The following CHRM3 variants were observed in gnomAD, a reference collection of about 807,000 sequenced individuals.
CHRM3 encodes the protein cholinergic receptor muscarinic 3.
In CHRM3, 11 loss-of-function variants were observed where a neutral mutation model predicts 41.8. The observed-to-expected ratio is 0.26, with a 90% CI of 0.17 to 0.44. The LOEUF (loss-of-function observed/expected upper bound fraction) is 0.44, where lower values mean the gene tolerates loss of function less well. Among genes scored for constraint, CHRM3 ranks in the 20% least tolerant of loss-of-function variants. The pLI is 1.00. For missense variants in CHRM3, 571 were observed against 745.4 expected (o/e 0.77, Z 2.72); for synonymous variants, 297 against 301.4 (o/e 0.99, Z 0.15).
At chr1:239,599,499 T>C (rs1206183269) in intron 3 of CHRM3, among the ~76,000 whole-genome samples, 1 of 151,798 alleles carries the variant, frequency 6.6e-6, no homozygotes, top group African/African-American at 2.4e-5. Flanking sequence ...CTTCTATCCA[T>C]TTACTGATTA....
chr1:239,641,070 C>T lies in CHRM3; in HGVS notation c.-250+8784C>T, dbSNP rs1278377645. Among the ~76,000 whole-genome samples the T allele has an allele frequency of 5.3e-4, 81 of 152,214 alleles. No individual in the cohort carries two copies. In the South Asian group the frequency reaches 9.3e-3, roughly 18 times the overall value. ...GGTTGTTCAGTTTAATGTAGGTGAG[C>T]GGTTTTGCGTGAGTTTCTTAATCCT... On this transcript the variant is annotated intron_variant, in intron 4 of 6. Coordinates refer to ENST00000676153, the MANE Select transcript of CHRM3 (RefSeq NM_001375978.1).
intron 4 of CHRM3, among the ~76,000 whole-genome samples, chr1:239,653,814 G>A (rs2148979556): frequency 6.6e-6 from 1 of 152,260 alleles, no homozygotes; most frequent in South Asian, 2.1e-4. Flanking sequence ...TTGGCCCTGG[G>A]GGATAAACAG....
At chr1:239,453,722 T>G (rs1205016608) in intron 1 of CHRM3, among the ~76,000 whole-genome samples, 1 of 152,208 alleles carries the variant, frequency 6.6e-6, no homozygotes, top group Non-Finnish European at 1.5e-5. Context: ...AAAGTGTTAT[T>G]TTCATGAGCA....
At chr1:239,438,829 T>C (rs1411585001) in intron 1 of CHRM3, among the ~76,000 whole-genome samples, 1 of 152,230 alleles carries the variant, frequency 6.6e-6, no homozygotes, top group African/African-American at 2.4e-5. Flanking sequence ...TGCTGAAACC[T>C]ATTTTGTAAT....
intron 1 of CHRM3, among the ~76,000 whole-genome samples, chr1:239,475,291 A>G (rs1404731983): frequency 6.6e-6 from 1 of 152,096 alleles, no homozygotes; most frequent in Non-Finnish European, 1.5e-5. Context: ...TTCAAAATTA[A>G]TATTTATATT....
At chr1:239,895,579 C>T (rs1678928590) in intron 6 of CHRM3, among the ~76,000 whole-genome samples, 1 of 152,128 alleles carries the variant, frequency 6.6e-6, no homozygotes, top group African/African-American at 2.4e-5. Flanking sequence ...AAATGCCCCT[C>T]ATCAATAGAT....
intron 2 of CHRM3, among the ~76,000 whole-genome samples, chr1:239,523,079 C>G (rs1669763860): frequency 6.6e-6 from 1 of 151,770 alleles, no homozygotes; most frequent in South Asian, 2.1e-4. Context: ...TCCCACCTGT[C>G]TAATCCACCT....
At chr1:239,700,927 G>A (rs754950111) in intron 5 of CHRM3, among the ~76,000 whole-genome samples, 5 of 152,072 alleles carry the variant, frequency 3.3e-5, no homozygotes, top group African/African-American at 1.2e-4. Flanking sequence ...GACTGGACCC[G>A]TACTGTAGAT....
intron 1 of CHRM3, among the ~76,000 whole-genome samples, chr1:239,462,639 T>C (rs1042125720): frequency 1.3e-5 from 2 of 152,234 alleles, no homozygotes; most frequent in African/African-American, 2.4e-5. Context: ...TACCTACAAA[T>C]ACTATAAAAG....
intron 4 of CHRM3, among the ~76,000 whole-genome samples, chr1:239,653,981 A>T (rs923047994): frequency 6.6e-6 from 1 of 152,200 alleles, no homozygotes; most frequent in Non-Finnish European, 1.5e-5. Flanking sequence ...AATTTTTACA[A>T]TGCAAAGTCT....
At chr1:239,597,858 G>GTTTTTTTTT (rs35067421) in intron 3 of CHRM3, among the ~76,000 whole-genome samples, 1 of 120,878 alleles carries the variant, frequency 8.3e-6, no homozygotes, top group Non-Finnish European at 1.7e-5. Flanking sequence ...AACTGTCAGA[G>GTTTTTTTTT]TTTTTTTTTT....
At chr1:239,798,794 T>G (rs1669989772) in intron 5 of CHRM3, among the ~76,000 whole-genome samples, 1 of 152,160 alleles carries the variant, frequency 6.6e-6, no homozygotes, top group East Asian at 1.9e-4. Context: ...GCTTGGGAGA[T>G]GGCTAATCTT....
intron 2 of CHRM3, among the ~76,000 whole-genome samples, chr1:239,542,071 A>T (rs1658837019): frequency 6.6e-6 from 1 of 152,196 alleles, no homozygotes; most frequent in East Asian, 1.9e-4. Context: ...GGCATTTTTT[A>T]AAAAACCATG....
intron 6 of CHRM3, among the ~76,000 whole-genome samples, chr1:239,837,903 A>G (rs544176941): frequency 1.8e-4 from 27 of 152,340 alleles, no homozygotes; most frequent in African/African-American, 5.3e-4. Flanking sequence ...TGAAACAGCT[A>G]GAGTTCTACC....
chr1:239,480,974 A>G (rs544775433), intron 1 of CHRM3, among the ~76,000 whole-genome samples: 1 of 152,296 alleles, frequency 6.6e-6, no homozygotes, highest in South Asian at 2.1e-4. Flanking sequence ...GTATACTAAA[A>G]TGCATAAATA....
At chr1:239,885,395 C>T (rs956337097) in intron 6 of CHRM3, among the ~76,000 whole-genome samples, 12 of 152,090 alleles carry the variant, frequency 7.9e-5, no homozygotes, top group African/African-American at 2.9e-4. Flanking sequence ...GTTGCTGCTG[C>T]TTGATGCTGG....
At chr1:239,576,009 C>G (rs776182949) in intron 3 of CHRM3, among the ~76,000 whole-genome samples, 5 of 152,112 alleles carry the variant, frequency 3.3e-5, no homozygotes, top group Non-Finnish European at 5.9e-5. Context: ...CTTGCTGTTT[C>G]TATACATTTG....
In CHRM3 at chr1:239,460,058, A is replaced by G. The variant is rs188021469; in HGVS notation, c.-520-32651A>G. ...CACAGAATGGTTGTGTAACTTGCAC[A>G]AAGTTACATGGCTAATAAATGGTCA... On this transcript the variant is annotated intron_variant, in intron 1 of 6. Transcript: ENST00000676153. Among the ~76,000 whole-genome samples the G allele has an allele frequency of 3.9e-5, 6 of 152,352 alleles. No homozygotes were observed. The East Asian group carries it at 9.7e-4, about 25-fold the overall frequency.
At chr1:239,449,054 T>TTA (rs1316688191) in intron 1 of CHRM3, among the ~76,000 whole-genome samples, 1 of 152,178 alleles carries the variant, frequency 6.6e-6, no homozygotes, top group East Asian at 1.9e-4. Flanking sequence ...ATTGTAACCG[T>TTA]TTGTTACCAT....
Sources: gnomAD v4.1 joint callset for allele counts (sites outside exome capture counted in the v4.1 genomes callset) on GRCh38, gnomAD v4.1.1 for gene constraint, MANE v1.5 for transcripts, NCBI Gene and HGNC (gene_info 2026-07-23, HGNC 2026-07-21) for gene names.